HOOK2: variants seen among roughly 807,000 people sequenced by gnomAD.
HOOK2 encodes the protein hook microtubule tethering protein 2, also known as protein Hook homolog 2.
HOOK2 carries 108 observed loss-of-function variants against 111.9 expected under a neutral mutation model. The ratio of observed to expected loss-of-function variants is 0.96; its 90% CI spans 0.83 to 1.13. The LOEUF is 1.13. HOOK2 is among the 50% of genes most tolerant of loss of function. HOOK2 has a pLI of 0.00. For missense variants in HOOK2, 978 were observed against 951.3 expected, an observed-to-expected ratio of 1.03 and a Z score of -0.37; for synonymous variants, 405 against 394.3, an observed-to-expected ratio of 1.03 and a Z score of -0.32.
At chr19:12,777,357 C>G (rs2145786795), upstream of HOOK2, among the ~76,000 whole-genome samples, 1 of 150,870 alleles carries the variant, frequency 6.6e-6, no homozygotes, top group Non-Finnish European at 1.5e-5. Context: ...TGGCACGCGC[C>G]TATTCCCAGC....
In HOOK2 at chr19:12,763,577, CT is replaced by C; in HGVS notation, c.1960del (p.Ser654ValfsTer58). On this transcript the variant is annotated frameshift_variant, in exon 22 of 23. Coordinates refer to ENST00000397668, the MANE Select transcript of HOOK2 (RefSeq NM_013312.3). LOFTEE classifies it high-confidence loss of function. ...HLEMDFEKSR[S>X]QREQEEKLLI... Reference sequence around the variant, plus strand: ...CAGCTTTTCTTCCTGCTCCCGCTGACTTCGGCTTTTCTCAAAGTCCATCTGT... The same window carrying C: ...CAGCTTTTCTTCCTGCTCCCGCTGACTCGGCTTTTCTCAAAGTCCATCTGT... 6.2e-7 allele frequency: 1 copy of C among 1,614,248 alleles called. No individual in the cohort carries two copies. Among genetic ancestry groups the C allele is most frequent in the East Asian group, 2.2e-5 (1 of 44,892 alleles).
intron 20 of HOOK2, chr19:12,764,603 C>T: frequency 1.7e-6 from 1 of 586,886 alleles, no homozygotes; most frequent in East Asian, 2.9e-5. Context: ...GCTGGGATTA[C>T]AGCCATGAGC....
upstream of HOOK2, among the ~76,000 whole-genome samples, chr19:12,780,769 G>C (rs1266429035): frequency 7.3e-6 from 1 of 136,180 alleles, no homozygotes; most frequent in Non-Finnish European, 1.6e-5. Context: ...AGGAGGTCAG[G>C]AGATCGAGAC....
chr19:12,781,799 A>C (rs1968605199), upstream of HOOK2, among the ~76,000 whole-genome samples: 1 of 151,344 alleles, frequency 6.6e-6, no homozygotes, highest in African/African-American at 2.4e-5. Flanking sequence ...CTGTGTGACA[A>C]AACAAGCCCT....
At chr19:12,777,014 G>A (rs1428504280), upstream of HOOK2, among the ~76,000 whole-genome samples, 1 of 151,318 alleles carries the variant, frequency 6.6e-6, no homozygotes, top group Non-Finnish European at 1.5e-5. Context: ...AAAATTAGCC[G>A]GGCATGGTGG....
At chr19:12,782,619 G>A (rs1047530851), upstream of HOOK2, among the ~76,000 whole-genome samples, 1 of 152,160 alleles carries the variant, frequency 6.6e-6, no homozygotes, top group Admixed American at 6.5e-5. Flanking sequence ...AGCGCGGGGG[G>A]TGGAAGGGCG....
intron 14 of HOOK2, 66 bp from the exon 15 acceptor site, chr19:12,766,306 GGA>G (rs2145733406): frequency 1.4e-6 from 2 of 1,461,986 alleles, no homozygotes; most frequent in Admixed American, 2.4e-5. Context: ...TGGGGCTCAG[GGA>G]GAGTGGAGCT....
upstream of HOOK2, among the ~76,000 whole-genome samples, chr19:12,777,306 T>TCTA (rs2145786671): frequency 6.6e-6 from 1 of 151,364 alleles, no homozygotes; most frequent in African/African-American, 2.4e-5. Flanking sequence ...AGACTCCGTC[T>TCTA]CTACAAAAAT....
chr19:12,771,109 C>T (rs755558861), intron 9 of HOOK2, 37 bp from the exon 10 acceptor site: 6 of 1,611,120 alleles, frequency 3.7e-6, no homozygotes, highest in Non-Finnish European at 5.1e-6. Context: ...GAGGGGGCTG[C>T]CCTCCCCCGG....
Position 12,789,201 on chromosome 19 carries a change from GAGAGAGAGAGAC to G in HOOK2, n.42-14988_42-14977del, listed in dbSNP as rs750359107. The stretch of plus-strand genomic sequence containing the variant: ...AGAGAGAGAGAGAGAGACAAAGAGA[GAGAGAGAGAGAC>G]AGAGACAGAGACAGAGACACTAGGC... On this transcript the variant is annotated intron_variant and non_coding_transcript_variant, in intron 3 of 3. Coordinates refer to the HOOK2 transcript ENST00000589765. Among the ~76,000 whole-genome samples, 514 of 121,760 alleles carry G rather than the reference GAGAGAGAGAGAC, an allele frequency of 4.2e-3. 2 individuals are homozygous for G. Among genetic ancestry groups the G allele is most frequent in the African/African-American group, 0.012 (235 of 19,034 alleles). 79.9% of individuals were successfully genotyped at this position (121,760 alleles called of 152,430 possible). A position where few individuals can be genotyped will look rare whatever the true frequency, so the allele number is the denominator to read the frequency against.
upstream of HOOK2, among the ~76,000 whole-genome samples, chr19:12,781,033 T>C (rs892333364): frequency 7.1e-4 from 101 of 142,796 alleles, 1 homozygote; most frequent in African/African-American, 2.5e-3. Flanking sequence ...CTGGGCGCGG[T>C]GGCTCACGCA....
intron 3 of HOOK2, among the ~76,000 whole-genome samples, chr19:12,783,595 T>TG (rs1968628420): frequency 6.6e-6 from 1 of 151,860 alleles, no homozygotes; most frequent in African/African-American, 2.4e-5. Context: ...GTGAGCTGGC[T>TG]GGGGGTCTTG....
chr19:12,770,894 CG>C, intron 10 of HOOK2, 37 bp downstream of exon 10: 1 of 1,567,132 alleles, frequency 6.4e-7, no homozygotes, highest in Non-Finnish European at 8.7e-7. Flanking sequence ...GTTTACCCCC[CG>C]CCCCCCGTGA....
chr19:12,764,962 G>A (rs1205092931), intron 19 of HOOK2, 37 bp downstream of exon 19: 1 of 1,613,906 alleles, frequency 6.2e-7, no homozygotes, highest in Non-Finnish European at 8.5e-7. Flanking sequence ...CTGGGCTCTG[G>A]GATCTCCCCA....
At chr19:12,782,885 A>ACC (rs377293013), upstream of HOOK2, among the ~76,000 whole-genome samples, 5,756 of 145,286 alleles carry the variant, frequency 0.04, 194 homozygotes, top group African/African-American at 0.094. Flanking sequence ...TGGAGCTGAG[A>ACC]CCCCCCCCCC....
At chr19:12,773,068 G>C (rs749900582) in intron 3 of HOOK2, 24 bp from the exon 4 acceptor site, 1 of 1,613,052 alleles carries the variant, frequency 6.2e-7, no homozygotes, top group East Asian at 2.2e-5. Flanking sequence ...AGGAACTGTG[G>C]ACAAGTTCAG....
chr19:12,775,591 C>A, upstream of HOOK2: 1 of 722,126 alleles, frequency 1.4e-6, no homozygotes. Flanking sequence ...GCGCAGGCCC[C>A]GCCCCGCCCC....
At chr19:12,779,003 C>T (rs940184753), upstream of HOOK2, among the ~76,000 whole-genome samples, 110 of 152,280 alleles carry the variant, frequency 7.2e-4, 1 homozygote, top group Non-Finnish European at 1.0e-4. Flanking sequence ...GCTGAAAAAC[C>T]CTCCACATTT....
chr19:12,771,100 AG>A (rs1968314954), intron 9 of HOOK2, 28 bp from the exon 10 acceptor site: 24 of 1,611,456 alleles, frequency 1.5e-5, no homozygotes, highest in Non-Finnish European at 2.0e-5. Flanking sequence ...AGAGCACATG[AG>A]GGGGCTGCCC....
Sources: allele counts gnomAD v4.1 joint callset (sites outside exome capture counted in the v4.1 genomes callset), GRCh38; gene constraint gnomAD v4.1.1; transcripts MANE v1.5; gene names NCBI Gene and HGNC (gene_info 2026-07-23, HGNC 2026-07-21).